The following RBFOX3 variants were observed in gnomAD, a reference collection of about 807,000 sequenced individuals.
RBFOX3 encodes the protein RNA binding protein fox-1 homolog 3.
RBFOX3 carries 17 observed loss-of-function variants against 48.7 expected under a neutral mutation model. The ratio of observed to expected loss-of-function variants is 0.35; its 90% CI spans 0.24 to 0.52. The LOEUF is 0.52. RBFOX3 is among the 20% of genes least tolerant of loss of function. RBFOX3 has a pLI of 0.94. For synonymous variants in RBFOX3, 212 were observed against 209.5 expected (o/e 1.01, Z -0.10); for missense variants, 382 against 497.5 (o/e 0.77, Z 2.21).
intron 1 of RBFOX3, among the ~76,000 whole-genome samples, chr17:79,518,269 C>T (rs887720921): frequency 2.0e-3 from 303 of 152,312 alleles, no homozygotes; most frequent in Non-Finnish European, 3.7e-3. Flanking sequence ...AAATTAATCA[C>T]GAGACATGGC....
chr17:79,194,406 A>G (rs1176995909), intron 4 of RBFOX3, among the ~76,000 whole-genome samples: 1 of 152,148 alleles, frequency 6.6e-6, no homozygotes, highest in Non-Finnish European at 1.5e-5. Flanking sequence ...CAGGAGTTCA[A>G]GACCAGCCTG....
At chr17:79,148,003 C>A (rs956021616) in intron 4 of RBFOX3, among the ~76,000 whole-genome samples, 4 of 151,926 alleles carry the variant, frequency 2.6e-5, no homozygotes, top group Admixed American at 2.6e-4. Flanking sequence ...AGAGCCGCCG[C>A]TGCCGTGGGG....
chr17:79,488,165 T>C (rs1555770710), intron 1 of RBFOX3, among the ~76,000 whole-genome samples: 1 of 152,064 alleles, frequency 6.6e-6, no homozygotes, highest in Non-Finnish European at 1.5e-5. Flanking sequence ...ATCCTGGATT[T>C]TTTTCCGCAC....
chr17:79,661,132 G>C, the RBFOX3 span, among the ~76,000 whole-genome samples: 1 of 152,250 alleles, frequency 6.6e-6, no homozygotes, highest in African/African-American at 2.4e-5. Flanking sequence ...TGTTGGGCAG[G>C]GGGAGGGAGA....
intron 4 of RBFOX3, among the ~76,000 whole-genome samples, chr17:79,167,261 G>T (rs2048192298): frequency 6.6e-6 from 1 of 152,084 alleles, no homozygotes; most frequent in Admixed American, 6.5e-5. Flanking sequence ...GGCTCGGGGA[G>T]TGCTAGGCCC....
At chr17:79,400,537 G>A (rs989531054) in intron 2 of RBFOX3, among the ~76,000 whole-genome samples, 13 of 150,834 alleles carry the variant, frequency 8.6e-5, no homozygotes, top group African/African-American at 2.6e-4. Context: ...AGAGGTTGGC[G>A]CTTCAACTTA....
chr17:79,563,204 G>A (rs2092318087), intron 1 of RBFOX3, among the ~76,000 whole-genome samples: 1 of 140,880 alleles, frequency 7.1e-6, no homozygotes, highest in South Asian at 2.4e-4. Flanking sequence ...TGTGGGCCAG[G>A]TAGCCAACGG....
chr17:79,478,550 G>A (rs2078308091), intron 2 of RBFOX3, among the ~76,000 whole-genome samples: 1 of 152,216 alleles, frequency 6.6e-6, no homozygotes, highest in Non-Finnish European at 1.5e-5. Flanking sequence ...AAAACATCTA[G>A]AGAAGAGACA....
chr17:79,495,272 G>A (rs1236176501), intron 1 of RBFOX3, among the ~76,000 whole-genome samples: 51 of 128,432 alleles, frequency 4.0e-4, no homozygotes, highest in Non-Finnish European at 7.4e-4. Flanking sequence ...GGAAGGGAGG[G>A]ACGGCTGGCA....
intron 4 of RBFOX3, among the ~76,000 whole-genome samples, chr17:79,227,232 G>A (rs929128110): frequency 6.6e-6 from 1 of 152,210 alleles, no homozygotes; most frequent in African/African-American, 2.4e-5. Flanking sequence ...AGCAGAGGAG[G>A]GACAAAGTAA....
intron 1 of RBFOX3, among the ~76,000 whole-genome samples, chr17:79,508,204 C>T (rs975870783): frequency 6.6e-6 from 1 of 152,222 alleles, no homozygotes; most frequent in Non-Finnish European, 1.5e-5. Context: ...AAAGCCCACC[C>T]GGTGGGCCGC....
At chr17:79,394,829 C>T (rs760695543) in intron 2 of RBFOX3, among the ~76,000 whole-genome samples, 7 of 152,208 alleles carry the variant, frequency 4.6e-5, no homozygotes, top group Non-Finnish European at 1.0e-4. Context: ...CCCGGGCCCT[C>T]GCTACATGAG....
chr17:79,562,688 A>C (rs1337692943), intron 1 of RBFOX3, among the ~76,000 whole-genome samples: 3 of 152,158 alleles, frequency 2.0e-5, no homozygotes, highest in Non-Finnish European at 4.4e-5. Flanking sequence ...GCGCCAGAGA[A>C]AGTCCATGGA....
In RBFOX3 at chr17:79,101,079, G is replaced by A. The variant is rs145639929; in HGVS notation, c.568+505C>T. Among the ~76,000 whole-genome samples the A allele has an allele frequency of 8.5e-5, 13 of 152,304 alleles. No individual in the cohort carries two copies. In the East Asian group the frequency reaches 2.3e-3, roughly 27 times the overall value. ...GTCATTTGTCATCGAACAGCTCTGG[G>A]GGATGGTGTCACTATTCCTGTTTTG... is the stretch of plus-strand genomic sequence containing the variant. On this transcript the variant is annotated intron_variant, in intron 9 of 14. Coordinates refer to ENST00000693108, the MANE Select transcript of RBFOX3 (RefSeq NM_001350451.2).
the RBFOX3 span, among the ~76,000 whole-genome samples, chr17:79,620,047 G>GCACATGCACACATATGTACATGCA: frequency 3.3e-5 from 4 of 121,744 alleles, no homozygotes; most frequent in Admixed American, 1.6e-4. Context: ...ATGCACACAC[G>GCACATGCACACATATGTACATGCA]CACATGCACA....
intron 4 of RBFOX3, among the ~76,000 whole-genome samples, chr17:79,163,701 C>T (rs59490356): frequency 0.014 from 2,188 of 152,230 alleles, 54 homozygotes; most frequent in African/African-American, 0.049. Flanking sequence ...CCGCCCGCAC[C>T]CCACTTGCTT....
chr17:79,605,260 G>A (rs2093800276), intron 1 of RBFOX3, among the ~76,000 whole-genome samples: 1 of 152,100 alleles, frequency 6.6e-6, no homozygotes, highest in African/African-American at 2.4e-5. Flanking sequence ...TCTCCGCTCT[G>A]GCACAAAAGA....
intron 2 of RBFOX3, among the ~76,000 whole-genome samples, chr17:79,325,825 G>C (rs1243965729): frequency 6.6e-6 from 1 of 152,118 alleles, no homozygotes; most frequent in Non-Finnish European, 1.5e-5. Flanking sequence ...TCCATTACAG[G>C]GCGAGGCTGT....
intron 1 of RBFOX3, among the ~76,000 whole-genome samples, chr17:79,534,643 G>T (rs1187813346): frequency 1.3e-5 from 2 of 152,172 alleles, no homozygotes; most frequent in Non-Finnish European, 2.9e-5. Flanking sequence ...AGGTGTTCCT[G>T]GGGGTAGAAC....
Sources: allele counts gnomAD v4.1 joint callset (sites outside exome capture counted in the v4.1 genomes callset), GRCh38; gene constraint gnomAD v4.1.1; transcripts MANE v1.5; gene names NCBI Gene and HGNC (gene_info 2026-07-23, HGNC 2026-07-21).